Variants in STARD6 observed in about 807,000 individuals in gnomAD.
The protein encoded by STARD6 is StAR related lipid transfer domain containing 6.
A neutral mutation model predicts 22.3 loss-of-function variants in STARD6; 21 were observed. That is an observed-to-expected ratio of 0.94 (90% CI 0.67 to 1.35). The LOEUF (loss-of-function observed/expected upper bound fraction) is 1.35, where lower values mean the gene tolerates loss of function less well. STARD6 is among the 40% of genes most tolerant of loss of function. The pLI is 0.00. For synonymous variants in STARD6, 80 were observed against 88.1 expected (o/e 0.91, Z 0.52); for missense variants, 269 against 266.9 (o/e 1.01, Z -0.05).
intron 4 of STARD6, among the ~76,000 whole-genome samples, chr18:54,340,343 A>G (rs911453787): frequency 1.1e-4 from 16 of 152,282 alleles, no homozygotes; most frequent in African/African-American, 3.1e-4. Context: ...CATCTGCAGT[A>G]GATTCTGATG....
intron 4 of STARD6, among the ~76,000 whole-genome samples, chr18:54,350,002 T>C (rs1284176536): frequency 6.6e-6 from 1 of 152,176 alleles, no homozygotes; most frequent in African/African-American, 2.4e-5. Flanking sequence ...ACATACCCAG[T>C]AGTGGGGTTG....
chr18:54,335,945 C>T (rs184902579), intron 5 of STARD6, among the ~76,000 whole-genome samples: 11 of 152,246 alleles, frequency 7.2e-5, no homozygotes, highest in Admixed American at 7.2e-4. Flanking sequence ...TACCCAGTCT[C>T]AGGTAGTTCT....
At chr18:54,337,693 A>C (rs2088929746) in intron 4 of STARD6, among the ~76,000 whole-genome samples, 2 of 152,338 alleles carry the variant, frequency 1.3e-5, no homozygotes, top group East Asian at 3.9e-4. Flanking sequence ...ATGAGTTGCA[A>C]AGCCTAAAGT....
chr18:54,357,335 A>G (rs979817410), intron 1 of STARD6, among the ~76,000 whole-genome samples: 15 of 152,188 alleles, frequency 9.9e-5, no homozygotes, highest in Middle Eastern at 6.8e-3. Context: ...CCTGGGAATC[A>G]AGGCTTCCTA....
intron 4 of STARD6, among the ~76,000 whole-genome samples, chr18:54,352,087 G>A (rs1281233111): frequency 6.1e-5 from 9 of 148,022 alleles, no homozygotes; most frequent in Middle Eastern, 3.5e-3. Context: ...TTTTTTGTTG[G>A]CAATTTAAAA....
intron 1 of STARD6, chr18:54,357,033 AG>A (rs1188727923): frequency 6.6e-6 from 1 of 152,266 alleles, no homozygotes. Context: ...AAGTGCAAAC[AG>A]TAAGACTACA....
At chr18:54,351,898 C>CTTTTTTTTTTTTTTTTTTTTTTTTT (rs1568174614) in intron 4 of STARD6, among the ~76,000 whole-genome samples, 1 of 61,548 alleles carries the variant, frequency 1.6e-5, no homozygotes, top group Non-Finnish European at 2.8e-5. Context: ...GATATTGGTC[C>CTTTTTTTTTTTTTTTTTTTTTTTTT]GTTTTTTTTT....
In STARD6 at chr18:54,354,483, C is replaced by T. The variant is rs2089125982; in HGVS notation, c.90+1G>A. 6.2e-7 allele frequency: 1 copy of T among 1,604,170 alleles called. No individual in the cohort carries two copies. ...AAACATAATTTAACTTATTTTCTTA[C>T]TGAAGTTTTAACCACTTTCCAGCCT... On this transcript the variant is annotated splice_donor_variant, in intron 3 of 7. Coordinates refer to ENST00000307844, the MANE Select transcript of STARD6 (RefSeq NM_139171.2). LOFTEE classifies it high-confidence loss of function.
intron 4 of STARD6, among the ~76,000 whole-genome samples, chr18:54,340,718 A>G (rs2144680252): frequency 6.6e-6 from 1 of 152,296 alleles, no homozygotes; most frequent in South Asian, 2.1e-4. Flanking sequence ...ACAAGTTCCA[A>G]CTATATGCTT....
chr18:54,341,338 C>T (rs1428409950), intron 4 of STARD6, among the ~76,000 whole-genome samples: 4 of 152,118 alleles, frequency 2.6e-5, no homozygotes, highest in African/African-American at 4.8e-5. Context: ...GGATTACAGG[C>T]GTGAGCCACC....
chr18:54,336,509 A>G (rs1316807377), intron 5 of STARD6, among the ~76,000 whole-genome samples: 1 of 152,126 alleles, frequency 6.6e-6, no homozygotes, highest in African/African-American at 2.4e-5. Flanking sequence ...TCCTTTATAA[A>G]TTACCCAGTC....
chr18:54,352,865 A>T (rs1252594654), intron 4 of STARD6, among the ~76,000 whole-genome samples: 2 of 152,216 alleles, frequency 1.3e-5, no homozygotes, highest in Non-Finnish European at 2.9e-5. Context: ...GCTTTTAAAA[A>T]ATGCCAAGGT....
chr18:54,354,402 A>T (rs750908308), intron 3 of STARD6, 82 bp downstream of exon 3: 3 of 1,291,556 alleles, frequency 2.3e-6, no homozygotes, highest in Admixed American at 1.9e-5. Flanking sequence ...AACAGAAAAT[A>T]TTTTTTTAAA....
At chr18:54,331,997 C>A (rs940159660) in intron 5 of STARD6, 138 bp from the exon 6 acceptor site, 25 of 536,746 alleles carry the variant, frequency 4.7e-5, no homozygotes, top group Non-Finnish European at 7.6e-5. Context: ...GATCTCGTCA[C>A]CAAATCAGCT....
Position 54,338,659 on chromosome 18 carries a change from A to G in STARD6, c.141-1408T>C, listed in dbSNP as rs1052958161. Among the ~76,000 whole-genome samples, 7 of 152,264 alleles carry G rather than the reference A, an allele frequency of 4.6e-5. No homozygotes were observed. The East Asian group carries it at 1.4e-3, about 29-fold the overall frequency. ...AAAAAAAAAACTGCGAGTCATGCAA[A>G]GAAACATGAAAAGTATGATTTATAC... On this transcript the variant is annotated intron_variant, in intron 4 of 7. Coordinates refer to ENST00000307844, the MANE Select transcript of STARD6 (RefSeq NM_139171.2).
intron 4 of STARD6, among the ~76,000 whole-genome samples, chr18:54,337,587 T>A (rs1568169207): frequency 6.6e-6 from 1 of 152,238 alleles, no homozygotes; most frequent in Non-Finnish European, 1.5e-5. Context: ...TCAACTGTAA[T>A]GTTTTATTGA....
intron 7 of STARD6, 43 bp downstream of exon 7, chr18:54,329,304 C>A: frequency 6.9e-7 from 1 of 1,459,170 alleles, no homozygotes; most frequent in Non-Finnish European, 9.2e-7. Flanking sequence ...ACAAGTTGAA[C>A]TAAAAAAACC....
At position 54,331,686 on chromosome 18, in the gene STARD6, A is replaced by C. The variant is rs955980069; in HGVS notation, c.385+56T>G. The stretch of plus-strand genomic sequence containing the variant: ...CTTTGAAGCTGTGAATAAAGGGAAA[A>C]CATTTATTAATGGCTCGCAGTAATT... On this transcript the variant is annotated intron_variant, in intron 6 of 7. Coordinates refer to ENST00000307844, the MANE Select transcript of STARD6 (RefSeq NM_139171.2). 48 of 1,173,002 alleles carry C rather than the reference A, an allele frequency of 4.1e-5. 2 individuals are homozygous for C. The South Asian group carries it at 6.5e-4, about 16-fold the overall frequency. 72.7% of individuals were successfully genotyped at this position (1,173,002 alleles called of 1,614,324 possible).
At chr18:54,349,510 A>G (rs955444996) in intron 4 of STARD6, among the ~76,000 whole-genome samples, 2 of 152,062 alleles carry the variant, frequency 1.3e-5, no homozygotes, top group African/African-American at 4.8e-5. Context: ...AAATGTTTGG[A>G]CTTATTTCAA....
Sources: gnomAD v4.1 joint callset for allele counts (sites outside exome capture counted in the v4.1 genomes callset) on GRCh38, gnomAD v4.1.1 for gene constraint, MANE v1.5 for transcripts, NCBI Gene and HGNC (gene_info 2026-07-23, HGNC 2026-07-21) for gene names.